The following SPOCK1 variants were observed in gnomAD, a reference collection of about 807,000 sequenced individuals.
The protein encoded by SPOCK1 is SPARC (osteonectin), cwcv and kazal like domains proteoglycan 1, also known as testican-1.
A neutral mutation model predicts 55.3 loss-of-function variants in SPOCK1; 23 were observed. That is an observed-to-expected ratio of 0.42 (90% confidence interval 0.30 to 0.59). The LOEUF (loss-of-function observed/expected upper bound fraction) is 0.59. Ranked by LOEUF, SPOCK1 falls within the 20% of genes least tolerant of loss-of-function variation. The pLI is 0.22. For missense variants in SPOCK1, 499 were observed against 552.5 expected (o/e 0.90, Z 0.97); for synonymous variants, 226 against 221.0 (o/e 1.02, Z -0.20).
At chr5:137,245,339 G>C (rs1173568192) in intron 3 of SPOCK1, among the ~76,000 whole-genome samples, 1 of 152,168 alleles carries the variant, frequency 6.6e-6, no homozygotes, top group Non-Finnish European at 1.5e-5. Context: ...GAAACACATG[G>C]ATGTAAGTGT....
chr5:137,034,784 C>T (rs986338687), intron 6 of SPOCK1, among the ~76,000 whole-genome samples: 2 of 144,246 alleles, frequency 1.4e-5, no homozygotes, highest in Non-Finnish European at 3.0e-5. Context: ...GACAGATCCA[C>T]AGTTGAGAAA....
chr5:137,364,517 C>A (rs1751015559), intron 2 of SPOCK1, among the ~76,000 whole-genome samples: 1 of 152,172 alleles, frequency 6.6e-6, no homozygotes, highest in South Asian at 2.1e-4. Context: ...GCATGAGGGT[C>A]CCACAGCCCT....
In SPOCK1 at chr5:136,977,679, G is replaced by T. The variant is rs1346916160; in HGVS notation, c.*975C>A. The T allele has an allele frequency of 7.5e-6, 3 of 397,584 alleles. No individual in the cohort carries two copies. Among genetic ancestry groups the T allele is most frequent in the Non-Finnish European group, 1.3e-5 (3 of 225,538 alleles). The allele number at this position is 397,584 out of a possible 1,614,324, so 24.6% of individuals were successfully genotyped here. On this transcript the variant is annotated 3_prime_UTR_variant, in exon 11 of 11. Coordinates refer to ENST00000394945, the MANE Select transcript of SPOCK1 (RefSeq NM_004598.4). ...AGAAATGAAAGAGATGGCTTGTGAA[G>T]CTGCCCGTGTCGTGTGGGAGTCGCA... is the stretch of plus-strand genomic sequence containing the variant.
chr5:137,212,604 T>A, intron 3 of SPOCK1, among the ~76,000 whole-genome samples: 1 of 152,220 alleles, frequency 6.6e-6, no homozygotes, highest in East Asian at 1.9e-4. Context: ...TAGTGCCTGA[T>A]TAACAATCTT....
rs1430567443 is a variant in SPOCK1 at position 137,112,417 on chromosome 5, A to G, written c.474+18T>C. 6.2e-7 allele frequency: 1 copy of G among 1,608,250 alleles called. No individual in the cohort carries two copies. Among genetic ancestry groups the G allele is most frequent in the Non-Finnish European group, 8.5e-7 (1 of 1,178,644 alleles). ...ACATGAAGTATTTTTGATAACATAA[A>G]AAGACAAGAAAACCAACCTTGGATG... On this transcript the variant is annotated intron_variant, in intron 5 of 10. Coordinates refer to ENST00000394945, the MANE Select transcript of SPOCK1 (RefSeq NM_004598.4).
intron 7 of SPOCK1, 143 bp downstream of exon 7, chr5:136,992,341 C>T: frequency 4.4e-6 from 3 of 686,664 alleles, no homozygotes; most frequent in Non-Finnish European, 4.7e-6. Flanking sequence ...ATTTTTTAAT[C>T]CAACTTTTTT....
At chr5:137,178,179 T>C (rs1754893336) in intron 3 of SPOCK1, among the ~76,000 whole-genome samples, 1 of 152,188 alleles carries the variant, frequency 6.6e-6, no homozygotes, top group African/African-American at 2.4e-5. Flanking sequence ...TGCCCTAAAA[T>C]TGGCCAATAC....
intron 2 of SPOCK1, among the ~76,000 whole-genome samples, chr5:137,475,309 T>C (rs1753814934): frequency 6.6e-6 from 1 of 152,076 alleles, no homozygotes; most frequent in African/African-American, 2.4e-5. Flanking sequence ...CCCCAAATGG[T>C]AGCAGTACTC....
At chr5:137,384,957 TG>T (rs200880269) in intron 2 of SPOCK1, among the ~76,000 whole-genome samples, 15 of 151,678 alleles carry the variant, frequency 9.9e-5, no homozygotes, top group Non-Finnish European at 1.5e-4. Flanking sequence ...TACTGTAGGA[TG>T]GGGGGGGCGG....
intron 3 of SPOCK1, among the ~76,000 whole-genome samples, chr5:137,223,392 G>A (rs1755892993): frequency 6.6e-6 from 1 of 151,726 alleles, no homozygotes; most frequent in African/African-American, 2.4e-5. Flanking sequence ...ATTAAAAACA[G>A]CATGAAATTC....
rs1395016872 is a variant in SPOCK1 at position 137,363,120 on chromosome 5, G to A, written c.187-96065C>T. Among the ~76,000 whole-genome samples, 4 of 152,272 alleles carry A rather than the reference G, an allele frequency of 2.6e-5. No homozygotes were observed. In the South Asian group the frequency reaches 6.2e-4, roughly 24 times the overall value. On this transcript the variant is annotated intron_variant, in intron 2 of 10. Transcript: ENST00000394945. ...TGCCAGTATCAGGCTGAGTATGGGAGATCAAGGATGAATAAGATCCAGACC... is the reference window on the plus strand; with the variant it reads ...TGCCAGTATCAGGCTGAGTATGGGAAATCAAGGATGAATAAGATCCAGACC...
intron 2 of SPOCK1, among the ~76,000 whole-genome samples, chr5:137,478,973 G>A: frequency 6.6e-6 from 1 of 151,896 alleles, no homozygotes; most frequent in Middle Eastern, 3.2e-3. Context: ...AGGCCTCCCT[G>A]CTCCCCCAGT....
intron 3 of SPOCK1, among the ~76,000 whole-genome samples, chr5:137,263,278 T>C (rs1050206811): frequency 3.3e-5 from 5 of 152,218 alleles, no homozygotes; most frequent in African/African-American, 4.8e-5. Context: ...AATGAGCATG[T>C]GAATCTTCAA....
At chr5:137,469,037 G>A (rs1753679108) in intron 2 of SPOCK1, among the ~76,000 whole-genome samples, 1 of 152,180 alleles carries the variant, frequency 6.6e-6, no homozygotes, top group Non-Finnish European at 1.5e-5. Context: ...GGAAGCTGGA[G>A]GGCCCTAAAT....
At chr5:137,112,116 T>C (rs143723025) in intron 5 of SPOCK1, among the ~76,000 whole-genome samples, 464 of 152,324 alleles carry the variant, frequency 3.0e-3, no homozygotes, top group Non-Finnish European at 4.9e-3. Flanking sequence ...AGTTGAGCTA[T>C]ATGACTTGCC....
At chr5:137,312,316 T>C (rs1462951520) in intron 2 of SPOCK1, among the ~76,000 whole-genome samples, 3 of 152,026 alleles carry the variant, frequency 2.0e-5, no homozygotes, top group Non-Finnish European at 4.4e-5. Context: ...GACTCCAGGG[T>C]CTGGCCTAGT....
At chr5:136,986,345 G>C (rs558907380) in intron 8 of SPOCK1, among the ~76,000 whole-genome samples, 10 of 152,186 alleles carry the variant, frequency 6.6e-5, no homozygotes, top group African/African-American at 4.8e-5. Flanking sequence ...CATAGGCTCT[G>C]TGTTGTAAGG....
intron 6 of SPOCK1, among the ~76,000 whole-genome samples, chr5:137,045,471 G>A (rs1161450769): frequency 1.3e-4 from 2 of 14,972 alleles, no homozygotes; most frequent in Admixed American, 6.8e-4. Context: ...CATGTCCTTC[G>A]CCCACTTTTT....
chr5:137,444,317 C>T (rs377270001), intron 2 of SPOCK1, among the ~76,000 whole-genome samples: 80 of 152,328 alleles, frequency 5.3e-4, no homozygotes, highest in African/African-American at 1.7e-3. Flanking sequence ...CACCCTGGCT[C>T]CTCCACTCCC....
Sources: gnomAD v4.1 joint callset for allele counts (sites outside exome capture counted in the v4.1 genomes callset) on GRCh38, gnomAD v4.1.1 for gene constraint, MANE v1.5 for transcripts, NCBI Gene and HGNC (gene_info 2026-07-23, HGNC 2026-07-21) for gene names.